Variants in ARB2A observed in about 807,000 individuals in gnomAD.
ARB2A encodes ARB2 cotranscriptional regulator A, also known as cotranscriptional regulator ARB2A.
chr5:93,849,949 T>G, the ARB2A span, among the ~76,000 whole-genome samples: 1 of 152,192 alleles, frequency 6.6e-6, no homozygotes, highest in Admixed American at 6.5e-5. Context: ...TTTGATATTG[T>G]GCAAAATGCT....
chr5:94,095,126 T>C, the ARB2A span, among the ~76,000 whole-genome samples: 24 of 152,204 alleles, frequency 1.6e-4, no homozygotes, highest in Non-Finnish European at 7.3e-5. Flanking sequence ...ACTGCCCACA[T>C]GGTTGAGGTC....
the ARB2A span, among the ~76,000 whole-genome samples, chr5:93,673,274 C>G: frequency 6.6e-6 from 1 of 152,070 alleles, no homozygotes. Flanking sequence ...GAATATAAAG[C>G]CATTTACTCA....
At chr5:93,702,802 T>C in the ARB2A span, among the ~76,000 whole-genome samples, 1 of 152,168 alleles carries the variant, frequency 6.6e-6, no homozygotes, top group Non-Finnish European at 1.5e-5. Flanking sequence ...ATATCTATTA[T>C]ACATATTTTT....
the ARB2A span, among the ~76,000 whole-genome samples, chr5:93,717,234 G>A: frequency 1.3e-5 from 2 of 152,050 alleles, no homozygotes; most frequent in Non-Finnish European, 1.5e-5. Context: ...ATTTTACATC[G>A]TCTTTTACTG....
At chr5:93,892,834 T>C in the ARB2A span, among the ~76,000 whole-genome samples, 1 of 152,300 alleles carries the variant, frequency 6.6e-6, no homozygotes, top group South Asian at 2.1e-4. Context: ...CTTGAGAAAC[T>C]GATAGAAATT....
At chr5:93,803,854 G>T in the ARB2A span, among the ~76,000 whole-genome samples, 1 of 151,910 alleles carries the variant, frequency 6.6e-6, no homozygotes, top group Non-Finnish European at 1.5e-5. Context: ...TAGAAAACGG[G>T]AAAGGTAAGC....
the ARB2A span, among the ~76,000 whole-genome samples, chr5:93,932,954 A>T: frequency 6.6e-6 from 1 of 152,224 alleles, no homozygotes; most frequent in Non-Finnish European, 1.5e-5. Context: ...CAAATTTACA[A>T]GAAAAAAACA....
the ARB2A span, among the ~76,000 whole-genome samples, chr5:93,720,558 C>G: frequency 1.3e-5 from 2 of 152,034 alleles, no homozygotes; most frequent in African/African-American, 2.4e-5. Context: ...CCAAATAATT[C>G]AATAATATAA....
At chr5:93,891,828 T>C in the ARB2A span, among the ~76,000 whole-genome samples, 1 of 152,134 alleles carries the variant, frequency 6.6e-6, no homozygotes, top group Admixed American at 6.6e-5. Context: ...GCTGAAGAAG[T>C]GAAATTATAT....
the ARB2A span, among the ~76,000 whole-genome samples, chr5:93,967,431 A>G: frequency 3.9e-5 from 6 of 152,122 alleles, no homozygotes; most frequent in Non-Finnish European, 5.9e-5. Context: ...CCACAGAGCA[A>G]ACTGCTTCCC....
At chr5:94,109,961 T>C in the ARB2A span, among the ~76,000 whole-genome samples, 1 of 144,948 alleles carries the variant, frequency 6.9e-6, no homozygotes, top group Admixed American at 7.0e-5. Flanking sequence ...GTCGGCTCAC[T>C]GCAACCTCCG....
the ARB2A span, among the ~76,000 whole-genome samples, chr5:93,705,609 A>ATGTGTGTGTGTGTGTGTGTG: frequency 7.0e-5 from 9 of 128,738 alleles, no homozygotes; most frequent in Middle Eastern, 7.5e-3. Context: ...TTGGGAAAAA[A>ATGTGTGTGTGTGTGTGTGTG]TGTGTGTGTG....
chr5:93,654,148 T>G, the ARB2A span, among the ~76,000 whole-genome samples: 1 of 152,240 alleles, frequency 6.6e-6, no homozygotes, highest in African/African-American at 2.4e-5. Context: ...CAGAAAAAAA[T>G]GAAAACCGGT....
At chr5:93,977,061 TAGA>T in the ARB2A span, among the ~76,000 whole-genome samples, 2 of 151,426 alleles carry the variant, frequency 1.3e-5, no homozygotes, top group Non-Finnish European at 2.9e-5. Context: ...AAAAGATCTC[TAGA>T]AGGAGAATTG....
the ARB2A span, among the ~76,000 whole-genome samples, chr5:94,081,894 C>G: frequency 3.9e-5 from 6 of 152,048 alleles, no homozygotes; most frequent in African/African-American, 1.4e-4. Context: ...TCTCACTAAC[C>G]ACTCACCTTT....
At chr5:94,033,479 C>T in the ARB2A span, among the ~76,000 whole-genome samples, 1 of 152,142 alleles carries the variant, frequency 6.6e-6, no homozygotes. Context: ...GGTTGTAGTA[C>T]AGTGGTGTGA....
chr5:94,068,358 C>T, the ARB2A span, among the ~76,000 whole-genome samples: 2 of 152,188 alleles, frequency 1.3e-5, no homozygotes, highest in Non-Finnish European at 2.9e-5. Flanking sequence ...CTGCCAGATC[C>T]GGAGGGGTGG....
At chr5:93,883,918 TACACATACAC>T in the ARB2A span, among the ~76,000 whole-genome samples, 402 of 68,362 alleles carry the variant, frequency 5.9e-3, 6 homozygotes, top group African/African-American at 0.02. Context: ...CACATACACA[TACACATACAC>T]ACACACACAC....
At chr5:93,651,463 T>C in the ARB2A span, among the ~76,000 whole-genome samples, 1 of 152,104 alleles carries the variant, frequency 6.6e-6, no homozygotes. Flanking sequence ...CCAGAGAAAA[T>C]GCCTTTTAAC....
Sources: gnomAD v4.1 joint callset for allele counts (sites outside exome capture counted in the v4.1 genomes callset) on GRCh38, gnomAD v4.1.1 for gene constraint, MANE v1.5 for transcripts, NCBI Gene and HGNC (gene_info 2026-07-23, HGNC 2026-07-21) for gene names.